The following PTPRN2 variants were observed in gnomAD, a reference collection of about 807,000 sequenced individuals.
The protein encoded by PTPRN2 is receptor-type tyrosine-protein phosphatase N2.
Under a neutral mutation model 118.8 loss-of-function variants are expected in PTPRN2, and 74 were observed. The ratio of observed to expected loss-of-function variants is 0.62; its 90% confidence interval spans 0.52 to 0.76. PTPRN2 has a LOEUF of 0.76. Among genes scored for constraint, PTPRN2 ranks in the 30% least tolerant of loss-of-function variants. The probability of loss-of-function intolerance (pLI) is 0.00; values close to 1 mark genes in which losing one functional copy is unlikely to be tolerated. For synonymous variants in PTPRN2, 641 were observed against 608.0 expected (o/e 1.05, Z -0.80); for missense variants, 1,481 against 1,394.4 (o/e 1.06, Z -0.99).
chr7:157,695,507 T>C (rs1187037475), intron 12 of PTPRN2, among the ~76,000 whole-genome samples: 1 of 152,194 alleles, frequency 6.6e-6, no homozygotes, highest in Non-Finnish European at 1.5e-5. Context: ...TGTAGGTATG[T>C]GTATAAGGCA....
intron 13 of PTPRN2, among the ~76,000 whole-genome samples, chr7:157,679,539 A>G (rs572156758): frequency 3.7e-4 from 56 of 152,360 alleles, no homozygotes; most frequent in East Asian, 1.9e-4. Context: ...AAATAGTTCT[A>G]TTTTGAGGAA....
intron 12 of PTPRN2, among the ~76,000 whole-genome samples, chr7:157,751,711 T>TA (rs766268870): frequency 7.9e-5 from 12 of 151,936 alleles, no homozygotes; most frequent in Non-Finnish European, 1.6e-4. Context: ...TTGGAGAACT[T>TA]AATCAAGGCT....
rs1323103420 is a variant in PTPRN2, at chr7:158,171,250, CACACATATATAT to C, written c.550-3971_550-3960del. 1.1e-4 allele frequency among the ~76,000 whole-genome samples: 5 copies of C among 46,546 alleles called. No homozygotes were observed. In the East Asian group the frequency reaches 2.9e-3, roughly 27 times the overall value. The allele number at this position is 46,546 out of a possible 152,430, so 30.5% of individuals were successfully genotyped here. ...ACACACATATATATACACATATATACACACATATATATACACACATATATACACACATATATA... is the reference window on the plus strand; with the variant it reads ...ACACACATATATATACACATATATACACACACATATATACACACATATATA... On this transcript the variant is annotated intron_variant, in intron 5 of 22. Coordinates refer to ENST00000389418, the MANE Select transcript of PTPRN2 (RefSeq NM_002847.5).
rs1243527661 is a variant in PTPRN2 at position 157,614,064 on chromosome 7, T to C, written c.2344+7298A>G. The C allele has an allele frequency of 6.4e-6, 3 of 469,620 alleles. No individual in the cohort carries two copies. The Admixed American group carries it at 7.1e-5, about 11-fold the overall frequency. The allele number at this position is 469,620 out of a possible 1,614,324, so 29.1% of individuals were successfully genotyped here. A position where few individuals can be genotyped will look rare whatever the true frequency, so the allele number is the denominator to read the frequency against. ...AAGCATCGTTCTGCAGCAGGACTGC[T>C]CAACCGGCCAATCAGAACACAGGGA... On this transcript the variant is annotated intron_variant, in intron 15 of 22. Coordinates refer to ENST00000389418, the MANE Select transcript of PTPRN2 (RefSeq NM_002847.5).
At chr7:158,040,529 C>T (rs114350454) in intron 11 of PTPRN2, among the ~76,000 whole-genome samples, 4 of 152,032 alleles carry the variant, frequency 2.6e-5, no homozygotes, top group African/African-American at 4.8e-5. Flanking sequence ...TAGAAAAGCA[C>T]GGAGAGAATT....
intron 3 of PTPRN2, among the ~76,000 whole-genome samples, chr7:158,264,899 GTCC>G (rs1277706969): frequency 4.6e-5 from 7 of 152,134 alleles, no homozygotes; most frequent in Non-Finnish European, 1.0e-4. Context: ...GAGTTTTGGG[GTCC>G]TCCTCCTCTT....
chr7:157,814,569 G>A (rs1173567976), intron 12 of PTPRN2, among the ~76,000 whole-genome samples: 2 of 135,838 alleles, frequency 1.5e-5, no homozygotes, highest in Admixed American at 7.1e-5. Context: ...GAGGAGAGAC[G>A]GGGGGCAGGA....
At chr7:157,545,133 GGGTGTGTGCA>G (rs747677934) in intron 22 of PTPRN2, among the ~76,000 whole-genome samples, 50 of 150,470 alleles carry the variant, frequency 3.3e-4, no homozygotes, top group Admixed American at 2.6e-3. Flanking sequence ...GTGTATGCAT[GGGTGTGTGCA>G]GGTGTGTGGG....
intron 3 of PTPRN2, among the ~76,000 whole-genome samples, chr7:158,264,924 C>T (rs1797772430): frequency 6.6e-6 from 1 of 152,148 alleles, no homozygotes; most frequent in Admixed American, 6.5e-5. Context: ...CCTCCCTTTT[C>T]TGCCTTTACA....
At chr7:158,586,933 G>C (rs1447062148) in intron 1 of PTPRN2, among the ~76,000 whole-genome samples, 1 of 151,900 alleles carries the variant, frequency 6.6e-6, no homozygotes, top group East Asian at 2.0e-4. Flanking sequence ...CCCAGGAGCC[G>C]GGGTAGAGGC....
At chr7:158,199,795 T>G (rs1377924022) in intron 4 of PTPRN2, among the ~76,000 whole-genome samples, 1 of 135,628 alleles carries the variant, frequency 7.4e-6, no homozygotes, top group Non-Finnish European at 1.5e-5. Flanking sequence ...GTCCATCTGG[T>G]GAAGGGCACA....
At chr7:157,545,132 T>TGGGTGTGTGC (rs1798230902) in intron 22 of PTPRN2, among the ~76,000 whole-genome samples, 1 of 144,442 alleles carries the variant, frequency 6.9e-6, no homozygotes, top group African/African-American at 2.6e-5. Flanking sequence ...GGTGTATGCA[T>TGGGTGTGTGC]GGGTGTGTGC....
rs59325171 is a variant in PTPRN2, at chr7:157,784,921, G to A, written c.1789-101984C>T. ...GGCAGCTGTTTCTCTGAGGAAACGC[G>A]CCCCTCCCCAGTGGCCAGGTGAGCA... On this transcript the variant is annotated intron_variant, in intron 12 of 22. Coordinates refer to ENST00000389418, the MANE Select transcript of PTPRN2 (RefSeq NM_002847.5). The surrounding 1 kb of genome is among the most constrained non-coding windows in gnomAD (Gnocchi z 4.6). Among the ~76,000 whole-genome samples the A allele has an allele frequency of 0.11, 16,747 of 152,158 alleles. 974 individuals are homozygous for A. The highest frequency in any genetic ancestry group is 0.14 in the Middle Eastern group (41 of 294).
At chr7:157,955,516 C>T (rs928687011) in intron 11 of PTPRN2, among the ~76,000 whole-genome samples, 1 of 152,202 alleles carries the variant, frequency 6.6e-6, no homozygotes, top group African/African-American at 2.4e-5. Context: ...AGGCCCATCA[C>T]AGATCCCCTG....
intron 1 of PTPRN2, among the ~76,000 whole-genome samples, chr7:158,498,702 T>C (rs1041349786): frequency 6.6e-5 from 10 of 152,226 alleles, no homozygotes; most frequent in African/African-American, 2.4e-4. Flanking sequence ...AAGACAAGCT[T>C]TGAAAAAGTA....
At chr7:158,004,406 A>G (rs1805503935) in intron 11 of PTPRN2, among the ~76,000 whole-genome samples, 1 of 151,984 alleles carries the variant, frequency 6.6e-6, no homozygotes. Context: ...TATTTAAAAA[A>G]CCAGCAGATT....
At chr7:158,053,238 A>G (rs1809471077) in intron 11 of PTPRN2, among the ~76,000 whole-genome samples, 1 of 152,182 alleles carries the variant, frequency 6.6e-6, no homozygotes, top group Non-Finnish European at 1.5e-5. Flanking sequence ...GCAGCTGGGA[A>G]CTAAAAGGCG....
chr7:158,262,814 TCA>T lies in PTPRN2; in HGVS notation c.277+54003_277+54004del, dbSNP rs553631274. 1.3e-4 allele frequency among the ~76,000 whole-genome samples: 15 copies of T among 119,788 alleles called. No homozygotes were observed. The East Asian group carries it at 3.4e-3, about 27-fold the overall frequency. The allele number at this position is 119,788 out of a possible 152,430, so 78.6% of individuals were successfully genotyped here. On this transcript the variant is annotated intron_variant, in intron 3 of 22. Transcript: ENST00000389418. ...ATACACATTCACACACTACACACAT[TCA>T]CACTGCACACATTCACACACTACAC... is the stretch of plus-strand genomic sequence containing the variant.
intron 12 of PTPRN2, among the ~76,000 whole-genome samples, chr7:157,805,289 CTG>C (rs57161533): frequency 0.045 from 6,727 of 148,602 alleles, 492 homozygotes; most frequent in African/African-American, 0.15. Context: ...ATATATACTC[CTG>C]TGTGTGTGTG....
Sources: gnomAD v4.1 joint callset for allele counts (sites outside exome capture counted in the v4.1 genomes callset) on GRCh38, gnomAD v4.1.1 for gene constraint, Gnocchi (gnomAD v3.1) non-coding constraint, MANE v1.5 for transcripts, NCBI Gene and HGNC (gene_info 2026-07-23, HGNC 2026-07-21) for gene names.